SLC30A5: variants seen among roughly 807,000 people sequenced by gnomAD.
SLC30A5 encodes the protein proton-coupled zinc antiporter SLC30A5.
SLC30A5 carries 33 observed loss-of-function variants against 79.6 expected under a neutral mutation model. The ratio of observed to expected loss-of-function variants is 0.41; its 90% CI spans 0.31 to 0.55. The LOEUF is 0.55. SLC30A5 is among the 20% of genes least tolerant of loss of function. The pLI is 0.20. For missense variants in SLC30A5, 788 were observed against 928.1 expected (o/e 0.85, Z 1.96); for synonymous variants, 299 against 319.7 (o/e 0.94, Z 0.69).
intron 11 of SLC30A5, among the ~76,000 whole-genome samples, chr5:69,117,999 C>T (rs1042745995): frequency 2.7e-5 from 4 of 150,820 alleles, no homozygotes; most frequent in Admixed American, 6.6e-5. Flanking sequence ...CACGGTGAAA[C>T]CCCGTCTCTA....
Position 69,121,829 on chromosome 5 carries a change from C to T in SLC30A5, c.1705C>T (p.His569Tyr). ...CAGCCATTCACACCATATGCATGGA[C>T]ACAGTGACCATGGGCATGGTCACAG... The part of the protein sequence containing the change: ...DHSHSHHMHG[H>Y]SDHGHGHSHG... The change falls in exon 13 of 16, where the codon CAC (histidine) becomes TAC (tyrosine). Residue 569 changes from histidine to tyrosine, a missense_variant. His to Tyr is a moderately conservative substitution (Grantham distance 83, BLOSUM62 2). Around this residue, in one of 3 missense-constraint regions of SLC30A5, gnomAD observed 626 missense variants for 755.5 expected, o/e 0.83. Transcript: ENST00000396591. 6.2e-7 allele frequency: 1 copy of T among 1,613,402 alleles called. No homozygotes were observed.
At chr5:69,104,844 G>T (rs1010791304) in intron 4 of SLC30A5, 128 bp downstream of exon 4, 2 of 903,810 alleles carry the variant, frequency 2.2e-6, no homozygotes, top group Admixed American at 6.4e-5. Flanking sequence ...TAGCATCAGA[G>T]AGAATTCAAC....
chr5:69,121,796 T>C lies in SLC30A5; in HGVS notation c.1672T>C (p.Ser558Pro). The C allele has an allele frequency of 1.2e-6, 2 of 1,612,562 alleles. No homozygotes were observed. The highest frequency in any genetic ancestry group is 1.7e-6 in the Non-Finnish European group (2 of 1,178,982). Residue 558 changes from serine to proline, a missense_variant, in exon 13 of 16, where the codon TCT becomes CCT. By Grantham distance (74) the Ser-to-Pro change is moderately conservative. Coordinates refer to ENST00000396591, the MANE Select transcript of SLC30A5 (RefSeq NM_022902.5). ...AGCTTCTCAAGGAAGCTGTCACTCA[T>C]CTGATCACAGCCATTCACACCATAT... is the stretch of plus-strand genomic sequence containing the variant. ...HGASQGSCHS[S>P]DHSHSHHMHG...
chr5:69,103,301 C>T (rs1326159482), intron 3 of SLC30A5, among the ~76,000 whole-genome samples, 173 bp downstream of exon 3: 1 of 151,806 alleles, frequency 6.6e-6, no homozygotes, highest in Non-Finnish European at 1.5e-5. Flanking sequence ...TCATAAAGTA[C>T]TAAGATCATG....
chr5:69,125,395 G>A (rs1026947628), intron 14 of SLC30A5, among the ~76,000 whole-genome samples: 16 of 151,068 alleles, frequency 1.1e-4, no homozygotes, highest in African/African-American at 3.2e-4. Context: ...GCATGGTGGC[G>A]GGCACCTGTA....
intron 14 of SLC30A5, among the ~76,000 whole-genome samples, chr5:69,123,854 C>A (rs1364305766): frequency 6.6e-6 from 1 of 151,980 alleles, no homozygotes; most frequent in Non-Finnish European, 1.5e-5. Context: ...TTAATAGGAT[C>A]CTACTTTGCA....
chr5:69,104,115 G>GAAAAC (rs1443540612), intron 3 of SLC30A5: 50 of 1,442,200 alleles, frequency 3.5e-5, no homozygotes, highest in Non-Finnish European at 4.6e-5. Context: ...ATAGATAATG[G>GAAAAC]AAAACAGAAT....
intron 5 of SLC30A5, among the ~76,000 whole-genome samples, chr5:69,110,269 G>T (rs1253442669): frequency 6.6e-6 from 1 of 152,098 alleles, no homozygotes; most frequent in Admixed American, 6.6e-5. Context: ...CCACCACTGT[G>T]ACTGATCTCC....
At chr5:69,099,985 T>C (rs1341162004) in intron 1 of SLC30A5, among the ~76,000 whole-genome samples, 1 of 152,240 alleles carries the variant, frequency 6.6e-6, no homozygotes, top group Non-Finnish European at 1.5e-5. Context: ...TTGGTTCGTT[T>C]TGAGACAGAG....
intron 3 of SLC30A5, 124 bp from the exon 4 acceptor site, chr5:69,104,507 A>G (rs1746027195): frequency 7.2e-7 from 1 of 1,393,042 alleles, no homozygotes; most frequent in Non-Finnish European, 9.3e-7. Context: ...CTATTTACAA[A>G]ATATGTAATG....
At chr5:69,094,457 C>T (rs337259) in intron 1 of SLC30A5, 119 bp downstream of exon 1, 512,619 of 1,087,442 alleles carry the variant, frequency 0.47, 121,367 homozygotes, top group Middle Eastern at 0.54. Context: ...GCCCTCTCCC[C>T]CTGCCTGCCT....
At position 69,129,596 on chromosome 5, in the gene SLC30A5, A is replaced by C. The variant is rs1283098220; in HGVS notation, c.2277A>C (p.Lys759Asn). ...AAATGGAATCCATGAAATACTGCAA[A>C]GATGGTACTTACATCATGTGAGATA... ...TKQMESMKYC[K>N]DGTYIM The change falls in exon 16 of 16, where the codon AAA becomes AAC. Residue 759 changes from lysine to asparagine, a missense_variant. By Grantham distance (94) the Lys-to-Asn change is moderately conservative. This residue lies in a region of SLC30A5 where 158 missense variants were observed against 156.2 expected (regional missense o/e 1.01). Transcript: ENST00000396591. The C allele has an allele frequency of 6.2e-7, 1 of 1,612,758 alleles. No individual in the cohort carries two copies. The highest frequency in any genetic ancestry group is 2.2e-5 in the East Asian group (1 of 44,752).
chr5:69,123,983 G>T (rs1045990196), intron 14 of SLC30A5, among the ~76,000 whole-genome samples: 2 of 151,642 alleles, frequency 1.3e-5, no homozygotes, highest in Non-Finnish European at 2.9e-5. Context: ...CGTGGTGGCG[G>T]GCACCTGTAG....
intron 4 of SLC30A5, among the ~76,000 whole-genome samples, chr5:69,105,884 C>G (rs1478514605): frequency 6.6e-6 from 1 of 152,172 alleles, no homozygotes; most frequent in African/African-American, 2.4e-5. Flanking sequence ...ATCTAGGTTG[C>G]ATGCTCCTTA....
At chr5:69,126,023 C>G (rs1746678545) in intron 14 of SLC30A5, among the ~76,000 whole-genome samples, 1 of 152,002 alleles carries the variant, frequency 6.6e-6, no homozygotes, top group African/African-American at 2.4e-5. Flanking sequence ...GTACTCCAGC[C>G]TGGGCAACAG....
In SLC30A5 at chr5:69,116,269, T is replaced by C; in HGVS notation, c.1072+55T>C. 1 of 1,518,978 alleles carries C rather than the reference T, an allele frequency of 6.6e-7. No individual in the cohort carries two copies. Among genetic ancestry groups the C allele is most frequent in the Admixed American group, 2.2e-5 (1 of 44,668 alleles). 94.1% of individuals were successfully genotyped at this position (1,518,978 alleles called of 1,614,324 possible). A position where few individuals can be genotyped will look rare whatever the true frequency, so the allele number is the denominator to read the frequency against. ...ACAAATTTCTATTTATGGATTTTGA[T>C]GGTCACATCATTTACTTATTTTGGG... On this transcript the variant is annotated intron_variant, in intron 9 of 15. Transcript: ENST00000396591. This position sits in a 1 kb window ranked among gnomAD's most constrained non-coding sequence, Gnocchi z 4.0.
intron 14 of SLC30A5, among the ~76,000 whole-genome samples, chr5:69,124,678 C>T (rs182538265): frequency 1.3e-5 from 2 of 152,106 alleles, no homozygotes; most frequent in African/African-American, 4.8e-5. Context: ...CGGGTTCAAG[C>T]GATTCTCCTG....
rs1168465322 is a variant in SLC30A5 at position 69,094,144 on chromosome 5, C to A, written c.-112C>A. The A allele has an allele frequency of 3.8e-6, 2 of 529,366 alleles. No individual in the cohort carries two copies. Among genetic ancestry groups the A allele is most frequent in the East Asian group, 7.0e-5 (2 of 28,494 alleles). 32.8% of individuals were successfully genotyped at this position (529,366 alleles called of 1,614,324 possible). ...GGCGGCCCGGCCTGCAGGAGCCCGA[C>A]GGGGTCTCTGCCATGGGGGAGTGAC... On this transcript the variant is annotated 5_prime_UTR_variant, in exon 1 of 16. Coordinates refer to ENST00000396591, the MANE Select transcript of SLC30A5 (RefSeq NM_022902.5).
intron 12 of SLC30A5, among the ~76,000 whole-genome samples, chr5:69,118,943 G>C (rs948635755): frequency 2.6e-5 from 4 of 152,002 alleles, no homozygotes; most frequent in African/African-American, 7.2e-5. Flanking sequence ...TGGGATTACA[G>C]GCATGTGCCA....
Sources: allele counts gnomAD v4.1 joint callset (sites outside exome capture counted in the v4.1 genomes callset), GRCh38; gene constraint gnomAD v4.1.1; regional missense constraint gnomAD v4.1.1; non-coding constraint Gnocchi (gnomAD v3.1); transcripts MANE v1.5; gene names NCBI Gene and HGNC (gene_info 2026-07-23, HGNC 2026-07-21).